Variants in ZSCAN18 observed in about 807,000 individuals in gnomAD.
ZSCAN18 encodes the protein zinc finger and SCAN domain containing 18.
ZSCAN18 carries 16 observed loss-of-function variants against 31.1 expected under a neutral mutation model. The ratio of observed to expected loss-of-function variants is 0.51; its 90% CI spans 0.35 to 0.78. The LOEUF (loss-of-function observed/expected upper bound fraction) is 0.78. ZSCAN18 is among the 30% of genes least tolerant of loss of function. The pLI, the probability that ZSCAN18 is intolerant of heterozygous loss-of-function variation, is 0.01. For synonymous variants in ZSCAN18, 375 were observed against 320.7 expected (o/e 1.17, Z -1.81); for missense variants, 731 against 697.4 (o/e 1.05, Z -0.54).
intron 1 of ZSCAN18, among the ~76,000 whole-genome samples, chr19:58,093,789 G>A (rs1199752578): frequency 1.3e-5 from 2 of 151,224 alleles, no homozygotes; most frequent in East Asian, 1.9e-4. Context: ...TTTTGGAGAC[G>A]GAGTCTCGCC....
intron 1 of ZSCAN18, among the ~76,000 whole-genome samples, chr19:58,115,689 A>T (rs951187161): frequency 2.6e-5 from 4 of 152,348 alleles, no homozygotes; most frequent in African/African-American, 7.2e-5. Flanking sequence ...ATGCCAAGAG[A>T]TGTGGTGGAT....
At chr19:58,085,956 C>T (rs939773921) in intron 6 of ZSCAN18, 1 of 553,440 alleles carries the variant, frequency 1.8e-6, no homozygotes, top group Non-Finnish European at 3.3e-6. Flanking sequence ...AACACCACTG[C>T]CGTTTCCACC....
chr19:58,100,392 T>C (rs955999087), upstream of ZSCAN18, among the ~76,000 whole-genome samples: 8 of 152,184 alleles, frequency 5.3e-5, no homozygotes, highest in African/African-American at 1.9e-4. Context: ...CACTCAGATG[T>C]GTTCACCAAC....
intron 5 of ZSCAN18, chr19:58,086,575 C>A: frequency 2.2e-6 from 1 of 459,134 alleles, no homozygotes; most frequent in Non-Finnish European, 3.9e-6. Context: ...GGGGCAAGAA[C>A]GTCTACAAAA....
At chr19:58,109,293 T>C in intron 1 of ZSCAN18, 3 of 1,231,744 alleles carry the variant, frequency 2.4e-6, no homozygotes. Flanking sequence ...ATTTGACTTT[T>C]GTTTCCCAGG....
chr19:58,106,823 C>T (rs968782925), intron 1 of ZSCAN18, among the ~76,000 whole-genome samples: 3 of 151,326 alleles, frequency 2.0e-5, no homozygotes, highest in African/African-American at 4.9e-5. Context: ...TGCAGTGGCT[C>T]GATCTCTGCT....
intron 1 of ZSCAN18, 182 bp downstream of exon 1, chr19:58,097,992 C>A: frequency 1.0e-6 from 1 of 985,826 alleles, no homozygotes; most frequent in Non-Finnish European, 1.2e-6. Flanking sequence ...CGGCCCCTGC[C>A]CCGCACTCCA....
chr19:58,107,823 C>G, intron 1 of ZSCAN18: 1 of 1,002,194 alleles, frequency 1.0e-6, no homozygotes, highest in Non-Finnish European at 1.2e-6. Flanking sequence ...GAAAACTTTC[C>G]CACACTAGAC....
intron 1 of ZSCAN18, chr19:58,108,149 G>T: frequency 3.0e-6 from 3 of 986,862 alleles, no homozygotes; most frequent in Non-Finnish European, 3.6e-6. Context: ...TGTGGTTGGA[G>T]AATTTTTCAC....
chr19:58,089,845 T>C lies in ZSCAN18; in HGVS notation c.403+20A>G. 1 of 1,592,776 alleles carries C rather than the reference T, an allele frequency of 6.3e-7. No homozygotes were observed. The highest frequency in any genetic ancestry group is 8.6e-7 in the Non-Finnish European group (1 of 1,167,908). ...CTCCCCATCTCCTCTGAGCCATGCT[T>C]CTCCTCTGTGACAGCCCACCTGGCT... On this transcript the variant is annotated intron_variant, in intron 2 of 6. Transcript: ENST00000601144.
chr19:58,088,470 A>C, intron 3 of ZSCAN18: 1 of 512,786 alleles, frequency 2.0e-6, no homozygotes. Context: ...TTTCTTCACT[A>C]TTTGTGGTAA....
chr19:58,095,009 T>C (rs1013546494), intron 1 of ZSCAN18, among the ~76,000 whole-genome samples: 1 of 151,978 alleles, frequency 6.6e-6, no homozygotes, highest in African/African-American at 2.4e-5. Flanking sequence ...GTGAGCTATG[T>C]TTGTGCCACT....
intron 5 of ZSCAN18, 45 bp from the exon 6 acceptor site, chr19:58,086,311 A>T (rs1364238409): frequency 6.4e-7 from 1 of 1,562,770 alleles, no homozygotes; most frequent in Non-Finnish European, 8.8e-7. Flanking sequence ...ATCAACACAG[A>T]GTGGCTGATG....
upstream of ZSCAN18, among the ~76,000 whole-genome samples, chr19:58,101,299 ATTTTTTTTTTTT>A (rs71188078): frequency 7.4e-5 from 8 of 108,412 alleles, no homozygotes; most frequent in African/African-American, 2.9e-4. Flanking sequence ...TGCCCAGCTA[ATTTTTTTTTTTT>A]TTTTTTTTTT....
rs2074701088 is a variant in ZSCAN18 at position 58,113,153 on chromosome 19, A to G, written c.130+5114T>C. Among the ~76,000 whole-genome samples, 4 of 150,658 alleles carry G rather than the reference A, an allele frequency of 2.7e-5. No homozygotes were observed. The South Asian group carries it at 8.4e-4, about 32-fold the overall frequency. ...ACACGGTGAAACCCCATCTCTACTC[A>G]AAATGCAAAAAAATTAGCCAGGTGT... On this transcript the variant is annotated intron_variant, in intron 1 of 1. Transcript: ENST00000595721.
At position 58,084,423 on chromosome 19, in the gene ZSCAN18, C is replaced by T. The variant is rs892278239; in HGVS notation, c.*262G>A. 4 of 428,720 alleles carry T rather than the reference C, an allele frequency of 9.3e-6. No individual in the cohort carries two copies. Among genetic ancestry groups the T allele is most frequent in the Non-Finnish European group, 1.6e-5 (4 of 244,216 alleles). 26.6% of individuals were successfully genotyped at this position (428,720 alleles called of 1,614,324 possible). A position where few individuals can be genotyped will look rare whatever the true frequency, so the allele number is the denominator to read the frequency against. ...AGCATGGGGCGGCACTAAATGGCTGCAGGAAAGCCGAGTCTTCTTCCACAT... is the reference window on the plus strand; with the variant it reads ...AGCATGGGGCGGCACTAAATGGCTGTAGGAAAGCCGAGTCTTCTTCCACAT... On this transcript the variant is annotated 3_prime_UTR_variant, in exon 7 of 7. Transcript: ENST00000601144. The surrounding 1 kb of genome is among the most constrained non-coding windows in gnomAD (Gnocchi z 4.5).
intron 1 of ZSCAN18, among the ~76,000 whole-genome samples, chr19:58,104,469 T>C (rs1025687332): frequency 6.0e-5 from 9 of 151,142 alleles, no homozygotes; most frequent in African/African-American, 2.2e-4. Flanking sequence ...GAGGCAGAGA[T>C]GGGCAGATCA....
At chr19:58,103,666 T>C (rs2074612041) in intron 1 of ZSCAN18, among the ~76,000 whole-genome samples, 2 of 145,910 alleles carry the variant, frequency 1.4e-5, no homozygotes, top group South Asian at 4.2e-4. Flanking sequence ...CCCTATTCCC[T>C]GAGACAAAAC....
rs1351790128 is a variant in ZSCAN18, at chr19:58,084,761, G to A, written c.1457C>T (p.Ala486Val). ...GPQPSTREAQ[A>V]GARAGGPPES... Reference sequence around the variant, plus strand: ...TGGGGGACCGCCCGCCCTAGCCCCCGCCTGGGCTTCGCGGGTGGACGGTTG... The same window carrying A: ...TGGGGGACCGCCCGCCCTAGCCCCCACCTGGGCTTCGCGGGTGGACGGTTG... The change falls in exon 7 of 7, where the codon GCG becomes GTG. Residue 486 changes from alanine (A) to valine (V), a missense_variant. This residue lies in a region of ZSCAN18 where 597 missense variants were observed against 499.5 expected (regional missense o/e 1.20). Coordinates refer to ENST00000601144, the MANE Select transcript of ZSCAN18 (RefSeq NM_001145543.2). The surrounding 1 kb of genome is among the most constrained non-coding windows in gnomAD (Gnocchi z 4.5). 6 of 1,569,178 alleles carry A rather than the reference G, an allele frequency of 3.8e-6. No homozygotes were observed. Among genetic ancestry groups the A allele is most frequent in the South Asian group, 2.3e-5 (2 of 86,832 alleles).
Sources: gnomAD v4.1 joint callset for allele counts (sites outside exome capture counted in the v4.1 genomes callset) on GRCh38, gnomAD v4.1.1 for gene constraint, gnomAD v4.1.1 regional missense constraint, Gnocchi (gnomAD v3.1) non-coding constraint, MANE v1.5 for transcripts, NCBI Gene and HGNC (gene_info 2026-07-23, HGNC 2026-07-21) for gene names.